PHF21B: variants seen among roughly 807,000 people sequenced by gnomAD.
PHF21B encodes the protein PHD finger protein 21B.
In PHF21B, 22 loss-of-function variants were observed where a neutral mutation model predicts 62.2. The ratio of observed to expected loss-of-function variants is 0.35; its 90% CI spans 0.25 to 0.51. The LOEUF is 0.51. Ranked by LOEUF, PHF21B falls within the 20% of genes least tolerant of loss-of-function variation. The pLI is 0.97. For synonymous variants in PHF21B, 341 were observed against 314.7 expected (o/e 1.08, Z -0.88); for missense variants, 701 against 707.9 (o/e 0.99, Z 0.11).
chr22:44,930,111 G>A (rs767362260), intron 2 of PHF21B, among the ~76,000 whole-genome samples: 1 of 152,226 alleles, frequency 6.6e-6, no homozygotes, highest in Non-Finnish European at 1.5e-5. Context: ...TGAACAACAC[G>A]AGCACCTGCG....
chr22:44,917,732 G>A (rs1364971720), intron 3 of PHF21B, among the ~76,000 whole-genome samples: 3 of 152,102 alleles, frequency 2.0e-5, no homozygotes, highest in East Asian at 1.9e-4. Flanking sequence ...GTACTGCCCC[G>A]CCCATCTCCT....
intron 2 of PHF21B, among the ~76,000 whole-genome samples, chr22:44,955,769 C>T (rs1326558073): frequency 1.3e-5 from 2 of 152,214 alleles, no homozygotes; most frequent in African/African-American, 4.8e-5. Flanking sequence ...TCAGCCTCCA[C>T]CATTGCAGGA....
At chr22:44,906,456 C>A (rs1327759623) in intron 5 of PHF21B, among the ~76,000 whole-genome samples, 1 of 152,206 alleles carries the variant, frequency 6.6e-6, no homozygotes, top group Non-Finnish European at 1.5e-5. Context: ...TGTAACAGGG[C>A]TTGCTCAGAG....
intron 2 of PHF21B, among the ~76,000 whole-genome samples, chr22:44,942,594 A>G (rs2071980492): frequency 1.3e-5 from 2 of 152,148 alleles, no homozygotes; most frequent in African/African-American, 4.8e-5. Flanking sequence ...CTGCCCTAGG[A>G]GCAGCTGCCC....
Position 44,891,273 on chromosome 22 carries a change from A to G in PHF21B, c.1015+33T>C, listed in dbSNP as rs371899505. 2.2e-4 allele frequency: 354 copies of G among 1,611,932 alleles called. 1 individual carries two copies. In the Middle Eastern group the frequency reaches 6.9e-3, roughly 32 times the overall value. ...GGGATGACTCCCCGCGGCCCTGAGCAGCTCTGGCAGAAGGCCTGAAGCCGG... is the reference window on the plus strand; with the variant it reads ...GGGATGACTCCCCGCGGCCCTGAGCGGCTCTGGCAGAAGGCCTGAAGCCGG... On this transcript the variant is annotated intron_variant, in intron 8 of 12. Coordinates refer to ENST00000313237, the MANE Select transcript of PHF21B (RefSeq NM_138415.5).
chr22:44,945,973 C>T (rs746742985), intron 2 of PHF21B, among the ~76,000 whole-genome samples: 2 of 152,114 alleles, frequency 1.3e-5, no homozygotes, highest in Non-Finnish European at 2.9e-5. Flanking sequence ...TGCCTCTTGC[C>T]CAAGTCACCC....
chr22:44,905,928 G>A (rs529939147), intron 5 of PHF21B, among the ~76,000 whole-genome samples: 1 of 152,124 alleles, frequency 6.6e-6, no homozygotes, highest in Non-Finnish European at 1.5e-5. Context: ...TCTCCCTCAC[G>A]CTTACCCTTC....
intron 12 of PHF21B, among the ~76,000 whole-genome samples, chr22:44,884,132 CATT>C (rs557252341): frequency 0.24 from 27,908 of 117,950 alleles, 7,039 homozygotes; most frequent in Non-Finnish European, 0.37. Flanking sequence ...TCATGATCAC[CATT>C]ATCACCACCA....
chr22:44,890,818 C>A (rs922446923), intron 8 of PHF21B, among the ~76,000 whole-genome samples: 3 of 152,230 alleles, frequency 2.0e-5, no homozygotes, highest in Non-Finnish European at 4.4e-5. Flanking sequence ...AAGGAGCCCT[C>A]GGCTCCAACA....
rs942855637 is a variant in PHF21B, at chr22:44,881,449, T to C, written c.*1637A>G. 6.5e-6 allele frequency: 1 copy of C among 152,694 alleles called. No homozygotes were observed. Among genetic ancestry groups the C allele is most frequent in the Non-Finnish European group, 1.5e-5 (1 of 68,052 alleles). 9.5% of individuals were successfully genotyped at this position (152,694 alleles called of 1,614,324 possible). On this transcript the variant is annotated 3_prime_UTR_variant, in exon 13 of 13. Coordinates refer to ENST00000313237, the MANE Select transcript of PHF21B (RefSeq NM_138415.5). Reference sequence around the variant, plus strand: ...ACATCGCAAGCCACGCGGTAATGCATACTTGGCACAGAGTAGCCAATATAG... The same window carrying C: ...ACATCGCAAGCCACGCGGTAATGCACACTTGGCACAGAGTAGCCAATATAG...
At chr22:44,910,067 C>T (rs561329575) in intron 5 of PHF21B, among the ~76,000 whole-genome samples, 180 of 152,294 alleles carry the variant, frequency 1.2e-3, no homozygotes, top group Middle Eastern at 0.01. Flanking sequence ...GGAGCAAACT[C>T]GAAGGCATGT....
intron 2 of PHF21B, among the ~76,000 whole-genome samples, chr22:44,988,372 G>A (rs1271562881): frequency 1.3e-5 from 2 of 152,142 alleles, no homozygotes; most frequent in Non-Finnish European, 2.9e-5. Flanking sequence ...TGAGGTGGGA[G>A]GATTGCTTGA....
At chr22:44,896,286 G>C (rs1359974008) in intron 5 of PHF21B, among the ~76,000 whole-genome samples, 1 of 152,178 alleles carries the variant, frequency 6.6e-6, no homozygotes, top group East Asian at 1.9e-4. Flanking sequence ...GCTCAATTTG[G>C]AGGGCCTCCT....
chr22:45,008,720 G>A (rs1030316147), intron 1 of PHF21B, 110 bp from the exon 2 acceptor site: 31 of 1,168,756 alleles, frequency 2.7e-5, no homozygotes, highest in Non-Finnish European at 3.2e-5. Flanking sequence ...GGGGCCGGCC[G>A]CAGCGCACCC....
At chr22:44,909,946 G>A (rs1342356437) in intron 5 of PHF21B, among the ~76,000 whole-genome samples, 3 of 152,316 alleles carry the variant, frequency 2.0e-5, no homozygotes, top group Non-Finnish European at 2.9e-5. Context: ...GAACCCGTTA[G>A]AGTCCTTGGT....
In PHF21B at chr22:44,882,484, A is replaced by G. The variant is rs1293354540; in HGVS notation, c.*602T>C. 1.3e-5 allele frequency: 2 copies of G among 153,042 alleles called. No homozygotes were observed. Among genetic ancestry groups the G allele is most frequent in the Middle Eastern group, 6.3e-3 (2 of 318 alleles). 9.5% of individuals were successfully genotyped at this position (153,042 alleles called of 1,614,324 possible). A position where few individuals can be genotyped will look rare whatever the true frequency, so the allele number is the denominator to read the frequency against. Reference sequence around the variant, plus strand: ...AACAGCTGCAATTCGTAACCCTAATAATACTGACAGAAAGGGGCCCAGGTG... The same window carrying G: ...AACAGCTGCAATTCGTAACCCTAATGATACTGACAGAAAGGGGCCCAGGTG... On this transcript the variant is annotated 3_prime_UTR_variant, in exon 13 of 13. Transcript: ENST00000313237.
chr22:44,890,549 C>A (rs972371250), intron 8 of PHF21B, among the ~76,000 whole-genome samples: 2 of 152,158 alleles, frequency 1.3e-5, no homozygotes, highest in African/African-American at 4.8e-5. Flanking sequence ...ATCAGTAAAC[C>A]AAGGCCCAGG....
chr22:44,976,168 C>T (rs546593257), intron 2 of PHF21B, among the ~76,000 whole-genome samples: 3 of 152,312 alleles, frequency 2.0e-5, no homozygotes, highest in Non-Finnish European at 2.9e-5. Flanking sequence ...AAGACCCTGT[C>T]TCAAGAAAAC....
At chr22:44,908,900 C>G (rs1181789804) in intron 5 of PHF21B, among the ~76,000 whole-genome samples, 1 of 152,146 alleles carries the variant, frequency 6.6e-6, no homozygotes, top group Admixed American at 6.5e-5. Flanking sequence ...CAGGTTCAAG[C>G]GATTCTCCTG....
Sources: gnomAD v4.1 joint callset for allele counts (sites outside exome capture counted in the v4.1 genomes callset) on GRCh38, gnomAD v4.1.1 for gene constraint, MANE v1.5 for transcripts, NCBI Gene and HGNC (gene_info 2026-07-23, HGNC 2026-07-21) for gene names.